Variants in PHYKPL observed in about 807,000 individuals in gnomAD.
PHYKPL encodes 5-phosphohydroxy-L-lysine phospho-lyase.
PHYKPL carries 42 observed loss-of-function variants against 51.3 expected under a neutral mutation model. That is an observed-to-expected ratio of 0.82 (90% CI 0.64 to 1.06). PHYKPL has a LOEUF of 1.06. PHYKPL is among the 50% of genes least tolerant of loss of function. PHYKPL has a pLI of 0.00. For missense variants in PHYKPL, 655 were observed against 586.6 expected, an observed-to-expected ratio of 1.12 and a Z score of -1.20; for synonymous variants, 264 against 236.0, an observed-to-expected ratio of 1.12 and a Z score of -1.09.
At chr5:178,227,210 TATAAG>T (rs944670384) in intron 3 of PHYKPL, among the ~76,000 whole-genome samples, 14 of 152,070 alleles carry the variant, frequency 9.2e-5, no homozygotes, top group Non-Finnish European at 1.2e-4. Context: ...CCAGTGTCCT[TATAAG>T]AGAAAATCTG....
chr5:178,224,074 A>T (rs936902837), intron 6 of PHYKPL: 5 of 219,126 alleles, frequency 2.3e-5, no homozygotes, highest in Admixed American at 5.3e-5. Context: ...TGGCATGTGG[A>T]CCCTGCCTGC....
chr5:178,212,886 C>G, intron 11 of PHYKPL, 87 bp downstream of exon 11: 1 of 1,549,606 alleles, frequency 6.5e-7, no homozygotes, highest in South Asian at 1.2e-5. Flanking sequence ...GGACTCTTGT[C>G]CCCTCCCTGT....
intron 10 of PHYKPL, 36 bp from the exon 11 acceptor site, chr5:178,213,139 A>G: frequency 6.2e-7 from 1 of 1,609,882 alleles, no homozygotes. Flanking sequence ...ATGGCCTTCA[A>G]GGCCTTCCTC....
rs146534485 is a variant in PHYKPL at position 178,226,536 on chromosome 5, A to C, written c.339-1107T>G. 3.2e-4 allele frequency: 48 copies of C among 152,354 alleles called. 1 individual carries two copies. The highest frequency in any genetic ancestry group is 1.1e-3 in the African/African-American group (47 of 41,588). 9.4% of individuals were successfully genotyped at this position (152,354 alleles called of 1,614,324 possible). A position where few individuals can be genotyped will look rare whatever the true frequency, so the allele number is the denominator to read the frequency against. On this transcript the variant is annotated intron_variant, in intron 3 of 12. Coordinates refer to ENST00000308158, the MANE Select transcript of PHYKPL (RefSeq NM_153373.4). The stretch of plus-strand genomic sequence containing the variant: ...AAGAGATGCATAGGGTGAGGTATGA[A>C]GGAAGGGCATGGAGCTTCCTGTGCC...
chr5:178,210,814 T>C, intron 12 of PHYKPL: 1 of 610,148 alleles, frequency 1.6e-6, no homozygotes, highest in South Asian at 1.9e-5. Context: ...AGGCAGCGTG[T>C]GGTGTCTGAG....
In PHYKPL at chr5:178,209,240, C is replaced by T. The variant is rs945450749; in HGVS notation, c.*32-325G>A. 8.9e-6 allele frequency: 9 copies of T among 1,012,762 alleles called. No individual in the cohort carries two copies. In the East Asian group the frequency reaches 1.4e-4, roughly 16 times the overall value. 62.7% of individuals were successfully genotyped at this position (1,012,762 alleles called of 1,614,324 possible). On this transcript the variant is annotated intron_variant, in intron 12 of 12. Coordinates refer to ENST00000308158, the MANE Select transcript of PHYKPL (RefSeq NM_153373.4). ...TTTCTCAGCAAATGGACCTGATCCA[C>T]CATTTGATGTTTGTCGCAGTGAAGG...
intron 3 of PHYKPL, 177 bp from the exon 4 acceptor site, chr5:178,225,606 G>A: frequency 1.6e-6 from 1 of 615,672 alleles, no homozygotes; most frequent in African/African-American, 1.8e-5. Context: ...GAAGCTGGGG[G>A]AAAAAGAGTA....
downstream of PHYKPL, chr5:178,207,260 C>T (rs1214896187): frequency 2.5e-6 from 4 of 1,611,342 alleles, no homozygotes; most frequent in South Asian, 1.1e-5. Flanking sequence ...GCCTCCTGTG[C>T]TGCTGGAGAG....
intron 8 of PHYKPL, chr5:178,216,630 A>G (rs1759849165): frequency 6.6e-6 from 1 of 152,274 alleles, no homozygotes; most frequent in Non-Finnish European, 1.5e-5. Flanking sequence ...CAAAATTCTG[A>G]AACATGCAAA....
At chr5:178,207,369 T>C, downstream of PHYKPL, 4 of 928,712 alleles carry the variant, frequency 4.3e-6, no homozygotes, top group Non-Finnish European at 6.4e-6. Flanking sequence ...CTGCCCTGAT[T>C]GGGGCAGTGT....
chr5:178,218,069 T>C (rs1760253511), intron 8 of PHYKPL, among the ~76,000 whole-genome samples: 1 of 109,346 alleles, frequency 9.1e-6, no homozygotes, highest in Non-Finnish European at 1.8e-5. Context: ...ATACAAAAAT[T>C]AGCCGGGCGT....
chr5:178,231,565 C>A (rs974580232), intron 1 of PHYKPL, 42 bp from the exon 2 acceptor site: 2 of 1,613,666 alleles, frequency 1.2e-6, no homozygotes, highest in Non-Finnish European at 1.7e-6. Flanking sequence ...GTCTGAAGAC[C>A]GAAAGGGTGA....
chr5:178,215,150 CTCAG>C, intron 9 of PHYKPL, 122 bp downstream of exon 9: 1 of 1,479,490 alleles, frequency 6.8e-7, no homozygotes. Flanking sequence ...AATAGCACCT[CTCAG>C]TGTCTCAGTT....
chr5:178,211,836 G>T, intron 12 of PHYKPL, 54 bp downstream of exon 12: 1 of 1,329,308 alleles, frequency 7.5e-7, no homozygotes, highest in Non-Finnish European at 1.1e-6. Flanking sequence ...GCTTGCTGCT[G>T]ATGGTAAGGA....
chr5:178,210,598 A>G (rs746525790), intron 12 of PHYKPL: 1 of 1,614,138 alleles, frequency 6.2e-7, no homozygotes, highest in Non-Finnish European at 8.5e-7. Context: ...CGTGGTGGCC[A>G]TCAGAATAAC....
chr5:178,209,264 G>C (rs1055060682), intron 12 of PHYKPL: 7 of 1,200,122 alleles, frequency 5.8e-6, no homozygotes, highest in Middle Eastern at 1.9e-4. Context: ...TCGCAGTGAA[G>C]GTGTTTGGGC....
In PHYKPL at chr5:178,231,775, C is replaced by G. The variant is rs548693382; in HGVS notation, c.60-252G>C. ...AAGCATTTTCAGCCTCTGTGGCCTC[C>G]TTGCTCATTTCTGCATGTGTCCGCG... is the stretch of plus-strand genomic sequence containing the variant. On this transcript the variant is annotated intron_variant, in intron 1 of 12. Transcript: ENST00000308158. 455 of 1,461,848 alleles carry G rather than the reference C, an allele frequency of 3.1e-4. 1 individual carries two copies. In the African/African-American group the frequency reaches 5.7e-3, roughly 18 times the overall value. 90.6% of individuals were successfully genotyped at this position (1,461,848 alleles called of 1,614,324 possible).
At chr5:178,223,789 GT>G in intron 6 of PHYKPL, 1 of 294,000 alleles carries the variant, frequency 3.4e-6, no homozygotes, top group Non-Finnish European at 6.7e-6. Flanking sequence ...TGTTGTCACC[GT>G]AGGTAACACA....
chr5:178,224,424 T>C (rs746925083), intron 6 of PHYKPL, 24 bp downstream of exon 6: 13 of 1,540,912 alleles, frequency 8.4e-6, no homozygotes, highest in Non-Finnish European at 1.1e-5. Context: ...GTTGGCTGGA[T>C]TGGACAGGCG....
Sources: allele counts gnomAD v4.1 joint callset (sites outside exome capture counted in the v4.1 genomes callset), GRCh38; gene constraint gnomAD v4.1.1; transcripts MANE v1.5; gene names NCBI Gene and HGNC (gene_info 2026-07-23, HGNC 2026-07-21).